The following SNX10 variants were observed in gnomAD, a reference collection of about 807,000 sequenced individuals.
SNX10 encodes the protein sorting nexin-10.
In SNX10, 25 loss-of-function variants were observed where a neutral mutation model predicts 28.5. That is an observed-to-expected ratio of 0.88 (90% CI 0.64 to 1.22). The LOEUF is 1.22. Among genes scored for constraint, SNX10 ranks in the 50% most tolerant of loss-of-function variants. The pLI is 0.00. For missense variants in SNX10, 223 were observed against 242.6 expected (o/e 0.92, Z 0.54); for synonymous variants, 62 against 81.4 (o/e 0.76, Z 1.28).
chr7:26,347,620 TG>T (rs1162077401), intron 2 of SNX10, among the ~76,000 whole-genome samples: 1 of 152,264 alleles, frequency 6.6e-6, no homozygotes, highest in South Asian at 2.1e-4. Context: ...GAGACCGAGG[TG>T]GTTGGATTAC....
chr7:26,343,498 A>C (rs1027336836), intron 1 of SNX10, among the ~76,000 whole-genome samples: 5 of 152,214 alleles, frequency 3.3e-5, no homozygotes, highest in African/African-American at 1.2e-4. Flanking sequence ...AAATTCAGTC[A>C]AATGGGAGAG....
Position 26,371,866 on chromosome 7 carries a change from C to T in SNX10, c.357C>T (p.Leu119=). 1 of 1,613,584 alleles carries T rather than the reference C, an allele frequency of 6.2e-7. No homozygotes were observed. The highest frequency in any genetic ancestry group is 8.5e-7 in the Non-Finnish European group (1 of 1,179,652). Residue 119 remains leucine, a synonymous_variant, in exon 6 of 7, where the codon CTC becomes CTT. Transcript: ENST00000338523. ...ALLLSDSSLH[L]FLQSHLNSED... is the part of the protein sequence containing the mutation. ...TGCTTTCAGATAGCAGCCTTCACCT[C>T]TTCTTACAGAGCCATCTGAATTCAG... is the stretch of plus-strand genomic sequence containing the variant.
At chr7:26,362,063 A>C (rs1789095285) in intron 3 of SNX10, among the ~76,000 whole-genome samples, 1 of 147,162 alleles carries the variant, frequency 6.8e-6, no homozygotes, top group African/African-American at 2.5e-5. Context: ...CCAGCTGTAG[A>C]ACTTTTCTTT....
At chr7:26,333,602 G>A (rs1184182655) in intron 1 of SNX10, among the ~76,000 whole-genome samples, 1 of 152,120 alleles carries the variant, frequency 6.6e-6, no homozygotes, top group African/African-American at 2.4e-5. Context: ...GGGATTACAG[G>A]CGTGAGCCAC....
chr7:26,325,416 C>G (rs1404716973), intron 1 of SNX10, among the ~76,000 whole-genome samples: 1 of 147,612 alleles, frequency 6.8e-6, no homozygotes, highest in Non-Finnish European at 1.5e-5. Context: ...CAGGTTCAAG[C>G]AATTCTCCTG....
intron 1 of SNX10, among the ~76,000 whole-genome samples, chr7:26,335,131 A>C (rs1787876032): frequency 6.6e-6 from 1 of 152,198 alleles, no homozygotes; most frequent in Non-Finnish European, 1.5e-5. Context: ...GCCACTGGGA[A>C]AGTGGCCCCA....
chr7:26,335,661 A>C (rs1787899202), intron 1 of SNX10, among the ~76,000 whole-genome samples: 1 of 149,866 alleles, frequency 6.7e-6, no homozygotes, highest in Admixed American at 6.6e-5. Flanking sequence ...CATAGGTAGT[A>C]TTGAGAGCAG....
intron 1 of SNX10, among the ~76,000 whole-genome samples, chr7:26,317,705 C>T (rs1787145538): frequency 6.8e-6 from 1 of 147,086 alleles, no homozygotes; most frequent in Admixed American, 6.9e-5. Context: ...CTCTGTTGCC[C>T]AGGCTGGAGT....
intron 1 of SNX10, among the ~76,000 whole-genome samples, chr7:26,307,009 G>A (rs1374424955): frequency 6.6e-6 from 1 of 152,168 alleles, no homozygotes; most frequent in Non-Finnish European, 1.5e-5. Context: ...CACTCACTGT[G>A]CTCATCCTGC....
intron 5 of SNX10, among the ~76,000 whole-genome samples, chr7:26,368,972 C>CAT (rs1019957891): frequency 6.6e-6 from 1 of 152,048 alleles, no homozygotes; most frequent in African/African-American, 2.4e-5. Flanking sequence ...GCTAAACCAG[C>CAT]ATATAATACA....
At chr7:26,372,451 T>C (rs1289938092) in intron 6 of SNX10, 40 bp from the exon 7 acceptor site, 1 of 1,315,376 alleles carries the variant, frequency 7.6e-7, no homozygotes, top group Non-Finnish European at 1.1e-6. Flanking sequence ...TGAAAACCAA[T>C]TTCCTCTTTT....
At chr7:26,310,918 C>T (rs575070355) in intron 1 of SNX10, among the ~76,000 whole-genome samples, 19 of 152,114 alleles carry the variant, frequency 1.2e-4, no homozygotes, top group Admixed American at 7.2e-4. Flanking sequence ...CTCCGGACCT[C>T]GTGATCCGCC....
intron 3 of SNX10, among the ~76,000 whole-genome samples, chr7:26,363,602 A>G (rs1192994591): frequency 1.3e-5 from 2 of 152,172 alleles, no homozygotes; most frequent in African/African-American, 4.8e-5. Context: ...ATGTTTACTC[A>G]AAGGAGAATA....
chr7:26,304,291 C>T (rs1786492745), intron 1 of SNX10, among the ~76,000 whole-genome samples: 1 of 152,218 alleles, frequency 6.6e-6, no homozygotes, highest in Non-Finnish European at 1.5e-5. Flanking sequence ...CAGCCCACTT[C>T]TGAGCTCTCT....
chr7:26,326,653 C>G (rs999922250), intron 1 of SNX10, among the ~76,000 whole-genome samples: 13 of 152,202 alleles, frequency 8.5e-5, no homozygotes, highest in Non-Finnish European at 1.6e-4. Context: ...TTTTCCATTT[C>G]TCTGTTTGCT....
At chr7:26,296,928 G>C (rs757330877) in intron 1 of SNX10, among the ~76,000 whole-genome samples, 1 of 152,204 alleles carries the variant, frequency 6.6e-6, no homozygotes, top group Non-Finnish European at 1.5e-5. Flanking sequence ...GGAATTGAGT[G>C]TATGATAAAA....
chr7:26,339,036 T>C (rs1788066582), intron 1 of SNX10, among the ~76,000 whole-genome samples: 1 of 152,176 alleles, frequency 6.6e-6, no homozygotes, highest in Non-Finnish European at 1.5e-5. Flanking sequence ...TCTAATCTTG[T>C]AGCTAATTTG....
chr7:26,318,375 T>C (rs1327187496), intron 1 of SNX10, among the ~76,000 whole-genome samples: 1 of 152,230 alleles, frequency 6.6e-6, no homozygotes, highest in African/African-American at 2.4e-5. Context: ...AGCTTTTTTA[T>C]TGGAATAATA....
chr7:26,348,611 G>A (rs1218433391), intron 2 of SNX10, among the ~76,000 whole-genome samples: 4 of 152,220 alleles, frequency 2.6e-5, no homozygotes, highest in Non-Finnish European at 5.9e-5. Flanking sequence ...GCAGTGTGCA[G>A]AGTCACTTGG....
Sources: gnomAD v4.1 joint callset for allele counts (sites outside exome capture counted in the v4.1 genomes callset) on GRCh38, gnomAD v4.1.1 for gene constraint, MANE v1.5 for transcripts, NCBI Gene and HGNC (gene_info 2026-07-23, HGNC 2026-07-21) for gene names.